Variants in TMTC2 observed in about 807,000 individuals in gnomAD.
The protein encoded by TMTC2 is transmembrane O-mannosyltransferase targeting cadherins 2.
In TMTC2, 43 loss-of-function variants were observed where a neutral mutation model predicts 82.4. That is an observed-to-expected ratio of 0.52 (90% CI 0.41 to 0.67). The LOEUF (loss-of-function observed/expected upper bound fraction) is 0.67, where lower values mean the gene tolerates loss of function less well. Among genes scored for constraint, TMTC2 ranks in the 30% least tolerant of loss-of-function variants. The probability of loss-of-function intolerance (pLI) is 0.00; values close to 1 mark genes in which losing one functional copy is unlikely to be tolerated. For missense variants in TMTC2, 919 were observed against 1,012.4 expected, an observed-to-expected ratio of 0.91 and a Z score of 1.25; for synonymous variants, 408 against 381.9, an observed-to-expected ratio of 1.07 and a Z score of -0.80.
intron 11 of TMTC2, among the ~76,000 whole-genome samples, chr12:83,078,463 GAA>G (rs1370755051): frequency 6.6e-6 from 1 of 152,090 alleles, no homozygotes; most frequent in Non-Finnish European, 1.5e-5. Context: ...CCTGAGAAGA[GAA>G]CCGAGAAGAC....
intron 1 of TMTC2, among the ~76,000 whole-genome samples, chr12:82,754,501 G>A (rs571042031): frequency 2.0e-5 from 3 of 152,230 alleles, no homozygotes; most frequent in South Asian, 2.1e-4. Context: ...TTGGTAGGCC[G>A]AGGCGGGTGG....
intron 1 of TMTC2, among the ~76,000 whole-genome samples, chr12:82,794,295 C>T (rs1041383901): frequency 1.3e-5 from 2 of 152,050 alleles, no homozygotes; most frequent in African/African-American, 4.8e-5. Flanking sequence ...GAATCTGGTT[C>T]GTCTTTTGTT....
intron 1 of TMTC2, among the ~76,000 whole-genome samples, chr12:82,848,153 A>C (rs993712225): frequency 6.6e-6 from 1 of 152,114 alleles, no homozygotes; most frequent in African/African-American, 2.4e-5. Flanking sequence ...CATGAAGAAG[A>C]ATCATACATG....
intron 1 of TMTC2, among the ~76,000 whole-genome samples, chr12:82,761,458 G>A (rs946160239): frequency 1.1e-4 from 16 of 152,154 alleles, no homozygotes; most frequent in Admixed American, 5.2e-4. Context: ...CACACCCGTG[G>A]CCATCCAGTC....
chr12:82,751,260 T>C (rs7132812), intron 1 of TMTC2, among the ~76,000 whole-genome samples: 148,587 of 152,172 alleles, frequency 0.98, 72,645 homozygotes, highest in Middle Eastern at 1. Flanking sequence ...AATTGGAAAT[T>C]ATCATTCTCA....
chr12:83,089,245 T>C (rs1043310382), intron 11 of TMTC2, among the ~76,000 whole-genome samples: 37 of 152,216 alleles, frequency 2.4e-4, no homozygotes, highest in African/African-American at 8.4e-4. Flanking sequence ...CGTTCGTTTG[T>C]ACTATTTTAT....
intron 8 of TMTC2, among the ~76,000 whole-genome samples, chr12:82,995,295 A>G (rs1002935094): frequency 1.3e-5 from 2 of 150,936 alleles, no homozygotes; most frequent in African/African-American, 4.9e-5. Context: ...TACAAAAGGA[A>G]ATGTATTTTT....
At chr12:82,796,494 CA>C (rs1878722992) in intron 1 of TMTC2, among the ~76,000 whole-genome samples, 2 of 152,224 alleles carry the variant, frequency 1.3e-5, no homozygotes, top group South Asian at 4.1e-4. Context: ...ACTTACACAA[CA>C]GCCTCCTTTA....
chr12:82,852,674 A>G (rs1207655800), intron 1 of TMTC2, among the ~76,000 whole-genome samples: 1 of 152,198 alleles, frequency 6.6e-6, no homozygotes, highest in East Asian at 1.9e-4. Flanking sequence ...TACTATTTCT[A>G]TTTTGGACTC....
At chr12:82,746,687 T>C (rs914262989) in intron 1 of TMTC2, among the ~76,000 whole-genome samples, 2 of 152,198 alleles carry the variant, frequency 1.3e-5, no homozygotes, top group East Asian at 1.9e-4. Context: ...CCTTAAGATA[T>C]GGTGATTGTC....
In TMTC2 at chr12:82,696,963, C is replaced by CATATATATATATATAT. The variant is rs1491534159; in HGVS notation, c.83+9294_83+9295insATATATATATATATAT. ...AGCTCTCTTTCTACATACATACATA[C>CATATATATATATATAT]GTATATATATATATATATATGTTTC... On this transcript the variant is annotated intron_variant, in intron 1 of 11. Transcript: ENST00000321196. Among the ~76,000 whole-genome samples the CATATATATATATATAT allele has an allele frequency of 1.8e-4, 22 of 121,422 alleles. 1 individual carries two copies. In the East Asian group the frequency reaches 4.5e-3, roughly 25 times the overall value. The allele number at this position is 121,422 out of a possible 152,430, so 79.7% of individuals were successfully genotyped here.
intron 2 of TMTC2, among the ~76,000 whole-genome samples, chr12:82,886,621 C>A (rs1328548350): frequency 6.6e-6 from 1 of 152,122 alleles, no homozygotes; most frequent in East Asian, 1.9e-4. Flanking sequence ...CTCATTGAAC[C>A]TCTTTTAATA....
chr12:82,763,529 A>G (rs376855351), intron 1 of TMTC2, among the ~76,000 whole-genome samples: 24 of 152,348 alleles, frequency 1.6e-4, no homozygotes, highest in African/African-American at 5.8e-4. Context: ...CTGGTCTTTT[A>G]AAGAGAAGTA....
At chr12:82,754,580 T>C (rs1592902349) in intron 1 of TMTC2, among the ~76,000 whole-genome samples, 1 of 151,752 alleles carries the variant, frequency 6.6e-6, no homozygotes, top group South Asian at 2.1e-4. Flanking sequence ...ACTAAAACGG[T>C]ACAAAAATTG....
At chr12:82,694,465 C>T (rs1335893457) in intron 1 of TMTC2, among the ~76,000 whole-genome samples, 1 of 152,096 alleles carries the variant, frequency 6.6e-6, no homozygotes, top group Non-Finnish European at 1.5e-5. Flanking sequence ...TTAGAAGTAC[C>T]TTAGTATTTG....
intron 1 of TMTC2, among the ~76,000 whole-genome samples, chr12:82,748,638 G>C (rs920231318): frequency 1.7e-4 from 26 of 152,190 alleles, no homozygotes; most frequent in African/African-American, 6.0e-4. Flanking sequence ...CACTTTGGGA[G>C]GCCAAGGCGG....
At chr12:83,039,604 TGAG>T (rs1337835509) in intron 9 of TMTC2, among the ~76,000 whole-genome samples, 7 of 152,230 alleles carry the variant, frequency 4.6e-5, no homozygotes, top group Admixed American at 6.5e-5. Context: ...ATTTTACAGA[TGAG>T]GAGAGTGACG....
intron 2 of TMTC2, among the ~76,000 whole-genome samples, chr12:82,863,980 G>A (rs1424005368): frequency 6.6e-6 from 1 of 152,152 alleles, no homozygotes; most frequent in Admixed American, 6.5e-5. Context: ...AGGGGATCAA[G>A]AAATGCCTTC....
In TMTC2 at chr12:82,731,137, A is replaced by T. The variant is rs557370431; in HGVS notation, c.83+43468A>T. Among the ~76,000 whole-genome samples, 3 of 152,362 alleles carry T rather than the reference A, an allele frequency of 2.0e-5. No homozygotes were observed. The South Asian group carries it at 6.2e-4, about 32-fold the overall frequency. On this transcript the variant is annotated intron_variant, in intron 1 of 11. Transcript: ENST00000321196. ...TTCAACAAATGAAAAAAAATCGAGT[A>T]TTGGCTGCTACCTTTGCAAATGTGC...
Sources: allele counts gnomAD v4.1 joint callset (sites outside exome capture counted in the v4.1 genomes callset), GRCh38; gene constraint gnomAD v4.1.1; transcripts MANE v1.5; gene names NCBI Gene and HGNC (gene_info 2026-07-23, HGNC 2026-07-21).